The following UBR2 variants were observed in gnomAD, a reference collection of about 807,000 sequenced individuals.
UBR2 encodes ubiquitin protein ligase E3 component n-recognin 2, also known as E3 ubiquitin-protein ligase UBR2.
In UBR2, 92 loss-of-function variants were observed where a neutral mutation model predicts 247.9. The observed-to-expected ratio is 0.37, with a 90% CI of 0.31 to 0.44. The LOEUF (loss-of-function observed/expected upper bound fraction) is 0.44, where lower values mean the gene tolerates loss of function less well. Ranked by LOEUF, UBR2 falls within the 20% of genes least tolerant of loss-of-function variation. The probability of loss-of-function intolerance (pLI) is 1.00; values close to 1 mark genes in which losing one functional copy is unlikely to be tolerated. For synonymous variants in UBR2, 672 were observed against 693.5 expected (o/e 0.97, Z 0.49); for missense variants, 1,613 against 2,112.6 (o/e 0.76, Z 4.64).
Position 42,683,073 on chromosome 6 carries a change from A to C in UBR2, c.4737A>C (p.Glu1579Asp), listed in dbSNP as rs1193679383. Reference protein sequence around the residue: ...SLIESWCRNSEVKRYLEGERD... With the variant: ...SLIESWCRNSDVKRYLEGERD... ...ATTAAAGTTGGTGCCGTAACAGTGA[A>C]GTTAAAAGATATCTAGAAGGTGAAA... Residue 1579 changes from glutamate to aspartate, a missense_variant, in exon 43 of 47, where the codon GAA becomes GAC. Transcript: ENST00000372901. 4 of 1,612,774 alleles carry C rather than the reference A, an allele frequency of 2.5e-6. No individual in the cohort carries two copies. The highest frequency in any genetic ancestry group is 2.2e-5 in the South Asian group (2 of 90,970).
chr6:42,596,592 G>A (rs996404374), intron 4 of UBR2, among the ~76,000 whole-genome samples: 3 of 152,146 alleles, frequency 2.0e-5, no homozygotes, highest in South Asian at 2.1e-4. Context: ...ATGTCCATCA[G>A]TGAATGAATG....
rs1422830369 is a variant in UBR2 at position 42,659,159 on chromosome 6, C to A, written c.3242+335C>A. Among the ~76,000 whole-genome samples the A allele has an allele frequency of 6.6e-6, 1 of 152,090 alleles. No homozygotes were observed. The highest frequency in any genetic ancestry group is 1.5e-5 in the Non-Finnish European group (1 of 68,022). On this transcript the variant is annotated intron_variant, in intron 29 of 46. Transcript: ENST00000372901. The surrounding 1 kb of genome is among the most constrained non-coding windows in gnomAD (Gnocchi z 4.3). ...TTAAAGGAGATGGTTTTGATACATACCAAAGACTTGACAATCCAAGTTATC... is the reference window on the plus strand; with the variant it reads ...TTAAAGGAGATGGTTTTGATACATAACAAAGACTTGACAATCCAAGTTATC...
chr6:42,655,435 AG>A (rs1415633009), intron 25 of UBR2, among the ~76,000 whole-genome samples, 185 bp from the exon 26 acceptor site: 3 of 151,098 alleles, frequency 2.0e-5, no homozygotes, highest in Non-Finnish European at 4.4e-5. Flanking sequence ...CCTGGGTGAC[AG>A]GGCAAAACTC....
At chr6:42,670,405 T>C (rs1264774201) in intron 35 of UBR2, among the ~76,000 whole-genome samples, 165 bp downstream of exon 35, 1 of 152,154 alleles carries the variant, frequency 6.6e-6, no homozygotes, top group Non-Finnish European at 1.5e-5. Context: ...AATACTAGAT[T>C]GATAGTTCAT....
rs1191877543 is a variant in UBR2 at position 42,642,616 on chromosome 6, CAT to C, written c.2097+138_2097+139del. ...AGCCCTGTCTCCTCAGCTCCAAACT[CAT>C]ATGGCTAACAGCCTTTAGATCATTT... On this transcript the variant is annotated intron_variant, in intron 18 of 46. Transcript: ENST00000372901. 6.0e-6 allele frequency: 4 copies of C among 667,860 alleles called. No individual in the cohort carries two copies. In the African/African-American group the frequency reaches 7.3e-5, roughly 12 times the overall value. The allele number at this position is 667,860 out of a possible 1,614,324, so 41.4% of individuals were successfully genotyped here. A position where few individuals can be genotyped will look rare whatever the true frequency, so the allele number is the denominator to read the frequency against.
chr6:42,605,429 T>A (rs897930318), intron 5 of UBR2, among the ~76,000 whole-genome samples: 3 of 152,228 alleles, frequency 2.0e-5, no homozygotes, highest in African/African-American at 7.2e-5. Context: ...TAGCCAATTC[T>A]GACTTCAGGT....
At chr6:42,575,034 T>TA (rs1219239341) in intron 2 of UBR2, among the ~76,000 whole-genome samples, 8 of 151,854 alleles carry the variant, frequency 5.3e-5, no homozygotes, top group Admixed American at 5.2e-4. Flanking sequence ...TAGGCCAAGA[T>TA]ATATGGCAAT....
intron 11 of UBR2, 114 bp downstream of exon 11, chr6:42,617,621 A>T (rs907243684): frequency 3.2e-6 from 3 of 938,430 alleles, no homozygotes; most frequent in Non-Finnish European, 3.2e-6. Flanking sequence ...ATTAATGGGT[A>T]ATCAGACTTC....
chr6:42,586,276 G>A (rs1045000275), intron 2 of UBR2, among the ~76,000 whole-genome samples: 1 of 151,908 alleles, frequency 6.6e-6, no homozygotes, highest in African/African-American at 2.4e-5. Flanking sequence ...GGGAGGTTGA[G>A]TTGAGCCCAG....
chr6:42,575,239 T>G (rs1276637697), intron 2 of UBR2, among the ~76,000 whole-genome samples: 1 of 152,204 alleles, frequency 6.6e-6, no homozygotes, highest in Non-Finnish European at 1.5e-5. Flanking sequence ...AAACTGAAAT[T>G]TAATAAGCTA....
intron 31 of UBR2, among the ~76,000 whole-genome samples, chr6:42,662,527 TC>T (rs1247588413): frequency 1.3e-5 from 2 of 152,210 alleles, no homozygotes; most frequent in Admixed American, 6.5e-5. Flanking sequence ...TGGATCTGTA[TC>T]AGTCTGTGGA....
Position 42,659,231 on chromosome 6 carries a change from C to T in UBR2, c.3242+407C>T, listed in dbSNP as rs1357848166. ...ACATTCCTGGCTGTGCGTGGTGGCT[C>T]ACGCCTGTAATCCCAGCACTTCGGG... On this transcript the variant is annotated intron_variant, in intron 29 of 46. Transcript: ENST00000372901. This position sits in a 1 kb window ranked among gnomAD's most constrained non-coding sequence, Gnocchi z 4.3. 6.6e-6 allele frequency among the ~76,000 whole-genome samples: 1 copy of T among 152,124 alleles called. No individual in the cohort carries two copies. Among genetic ancestry groups the T allele is most frequent in the Non-Finnish European group, 1.5e-5 (1 of 68,028 alleles).
At chr6:42,673,939 T>G (rs749104580) in intron 37 of UBR2, 52 bp downstream of exon 37, 1 of 1,485,826 alleles carries the variant, frequency 6.7e-7, no homozygotes, top group Non-Finnish European at 9.3e-7. Flanking sequence ...CTCTGAAATT[T>G]TGTTTTTAAT....
chr6:42,571,024 G>A (rs931138587), intron 1 of UBR2, among the ~76,000 whole-genome samples: 6 of 150,636 alleles, frequency 4.0e-5, no homozygotes, highest in South Asian at 4.2e-4. Flanking sequence ...TGATACTAGC[G>A]TCTGAATTTT....
chr6:42,658,093 A>G lies in UBR2; in HGVS notation c.2942A>G (p.Tyr981Cys), dbSNP rs1297652966. The G allele has an allele frequency of 6.2e-7, 1 of 1,614,112 alleles. No homozygotes were observed. Among genetic ancestry groups the G allele is most frequent in the South Asian group, 1.1e-5 (1 of 91,082 alleles). ...CTGGAAACACTACAAAATGCTCCCT[A>G]CCTAGAAGTCCACAAAGACATGATT... ...AMLETLQNAP[Y>C]LEVHKDMIRW... The change falls in exon 27 of 47, where the codon TAC (tyrosine) becomes TGC (cysteine). Residue 981 changes from tyrosine (Y) to cysteine (C), a missense_variant. Tyr to Cys is a radical substitution (Grantham distance 194). Transcript: ENST00000372901.
chr6:42,635,482 C>A lies in UBR2; in HGVS notation c.1610C>A (p.Ala537Asp). ...GAAATGGAACCAGAGTGGGAAGCAG[C>A]CTTCACACTACAAATGAAATTAACA... ...HIEMEPEWEA[A>D]FTLQMKLTHV... Residue 537 changes from alanine to aspartate, a missense_variant, in exon 14 of 47, where the codon GCC (alanine) becomes GAC (aspartate). This residue lies in a region of UBR2 where 1,524 missense variants were observed against 1,967.3 expected (regional missense o/e 0.77). Transcript: ENST00000372901. 6.2e-7 allele frequency: 1 copy of A among 1,613,482 alleles called. No homozygotes were observed. The highest frequency in any genetic ancestry group is 8.5e-7 in the Non-Finnish European group (1 of 1,179,564).
At chr6:42,627,205 G>A (rs988832015) in intron 11 of UBR2, among the ~76,000 whole-genome samples, 6 of 152,080 alleles carry the variant, frequency 3.9e-5, no homozygotes, top group Non-Finnish European at 8.8e-5. Context: ...TTCCTAGGTG[G>A]GGGCCATAAG....
chr6:42,652,450 T>A, intron 24 of UBR2, 41 bp from the exon 25 acceptor site: 1 of 1,566,788 alleles, frequency 6.4e-7, no homozygotes, highest in Non-Finnish European at 8.6e-7. Flanking sequence ...TTCTAAAGCA[T>A]GTTCTGTAAA....
chr6:42,643,632 A>G (rs965620057), intron 18 of UBR2, among the ~76,000 whole-genome samples: 3 of 152,188 alleles, frequency 2.0e-5, no homozygotes, highest in Non-Finnish European at 4.4e-5. Flanking sequence ...CAAGAAATGT[A>G]TATTTCAAAA....
Sources: allele counts gnomAD v4.1 joint callset (sites outside exome capture counted in the v4.1 genomes callset), GRCh38; gene constraint gnomAD v4.1.1; regional missense constraint gnomAD v4.1.1; non-coding constraint Gnocchi (gnomAD v3.1); transcripts MANE v1.5; gene names NCBI Gene and HGNC (gene_info 2026-07-23, HGNC 2026-07-21).